Variants in NBEA observed in about 807,000 individuals in gnomAD.
The protein encoded by NBEA is neurobeachin.
Under a neutral mutation model 343.4 loss-of-function variants are expected in NBEA, and 44 were observed. The observed-to-expected ratio is 0.13, with a 90% CI of 0.10 to 0.16. The LOEUF is 0.16. Ranked by LOEUF, NBEA falls within the 10% of genes least tolerant of loss-of-function variation. NBEA has a pLI of 1.00. For synonymous variants in NBEA, 1,175 were observed against 1,238.7 expected, an observed-to-expected ratio of 0.95 and a Z score of 1.08; for missense variants, 2,555 against 3,631.3, an observed-to-expected ratio of 0.70 and a Z score of 7.62.
intron 34 of NBEA, among the ~76,000 whole-genome samples, chr13:35,275,090 T>C (rs2034479182): frequency 6.6e-6 from 1 of 152,200 alleles, no homozygotes; most frequent in Non-Finnish European, 1.5e-5. Context: ...GGCATCATGC[T>C]ACCTGACTTC....
chr13:35,393,743 G>A lies in NBEA; in HGVS notation c.6180-38526G>A, dbSNP rs182285453. Among the ~76,000 whole-genome samples, 394 of 152,166 alleles carry A rather than the reference G, an allele frequency of 2.6e-3. 3 individuals are homozygous for A. The highest frequency in any genetic ancestry group is 9.1e-3 in the African/African-American group (380 of 41,548). ...ATTAGAAATACAATTTTAGTGTATGGTTTTCCAAGTTAAAGGAAAGAAGTA... is the reference window on the plus strand; with the variant it reads ...ATTAGAAATACAATTTTAGTGTATGATTTTCCAAGTTAAAGGAAAGAAGTA... On this transcript the variant is annotated intron_variant, in intron 38 of 58. Coordinates refer to ENST00000379939, the MANE Select transcript of NBEA (RefSeq NM_001385012.1).
intron 36 of NBEA, among the ~76,000 whole-genome samples, chr13:35,320,875 A>T (rs1293607935): frequency 6.6e-6 from 1 of 151,406 alleles, no homozygotes; most frequent in East Asian, 2.0e-4. Flanking sequence ...CTTCTGCTTG[A>T]TGTATTCGGC....
intron 10 of NBEA, among the ~76,000 whole-genome samples, chr13:35,073,940 T>A (rs1777914236): frequency 6.6e-6 from 1 of 152,136 alleles, no homozygotes; most frequent in Non-Finnish European, 1.5e-5. Context: ...AGACTCTGTA[T>A]CAAAAAACCA....
At chr13:35,545,033 A>G (rs2079003400) in intron 41 of NBEA, among the ~76,000 whole-genome samples, 2 of 152,238 alleles carry the variant, frequency 1.3e-5, no homozygotes. Flanking sequence ...CTTAAATGAC[A>G]GAAAAATATC....
intron 39 of NBEA, among the ~76,000 whole-genome samples, chr13:35,439,081 A>G (rs116948954): frequency 0.03 from 4,545 of 152,298 alleles, 106 homozygotes; most frequent in Non-Finnish European, 0.045. Flanking sequence ...CTAACAGCAC[A>G]TAGTTTACTG....
intron 48 of NBEA, among the ~76,000 whole-genome samples, chr13:35,624,443 T>C (rs559944545): frequency 1.1e-3 from 169 of 152,236 alleles, no homozygotes; most frequent in African/African-American, 3.8e-3. Context: ...TCTGTATAAA[T>C]CAAGATATTT....
intron 31 of NBEA, among the ~76,000 whole-genome samples, chr13:35,203,840 G>A (rs2073189502): frequency 6.6e-6 from 1 of 152,154 alleles, no homozygotes; most frequent in Non-Finnish European, 1.5e-5. Flanking sequence ...ACCTTGGAGT[G>A]TGTATAGATT....
At chr13:35,019,741 T>C (rs912927732) in intron 1 of NBEA, among the ~76,000 whole-genome samples, 2 of 152,214 alleles carry the variant, frequency 1.3e-5, no homozygotes, top group Non-Finnish European at 2.9e-5. Context: ...TGGTAGTTTA[T>C]GTCACTCAAT....
intron 45 of NBEA, 71 bp downstream of exon 45, chr13:35,567,088 T>G (rs2080171229): frequency 2.7e-6 from 2 of 747,272 alleles, no homozygotes; most frequent in Non-Finnish European, 4.5e-6. Context: ...TGTCAGAGTA[T>G]ATATAGCCAG....
chr13:35,318,121 G>A (rs1049054746), intron 36 of NBEA, among the ~76,000 whole-genome samples: 3 of 152,178 alleles, frequency 2.0e-5, no homozygotes, highest in South Asian at 4.1e-4. Flanking sequence ...GCCCTGGCCA[G>A]AACTTCTGAT....
At chr13:35,273,267 G>A (rs1030786651) in intron 34 of NBEA, among the ~76,000 whole-genome samples, 3 of 152,132 alleles carry the variant, frequency 2.0e-5, no homozygotes, top group African/African-American at 4.8e-5. Flanking sequence ...GGTAAATAAC[G>A]AAATGAAGGC....
At chr13:35,177,790 A>G (rs1049320003) in intron 28 of NBEA, among the ~76,000 whole-genome samples, 1 of 151,724 alleles carries the variant, frequency 6.6e-6, no homozygotes, top group Non-Finnish European at 1.5e-5. Context: ...TTCTTGTTTT[A>G]GTTGATGATT....
At chr13:35,419,418 A>T (rs2044140707) in intron 38 of NBEA, among the ~76,000 whole-genome samples, 1 of 151,996 alleles carries the variant, frequency 6.6e-6, no homozygotes, top group Non-Finnish European at 1.5e-5. Context: ...TTCATGACCT[A>T]ATTACTTTCC....
At chr13:35,015,608 T>G (rs1325597874) in intron 1 of NBEA, among the ~76,000 whole-genome samples, 1 of 152,120 alleles carries the variant, frequency 6.6e-6, no homozygotes, top group Non-Finnish European at 1.5e-5. Flanking sequence ...GAAATATTAT[T>G]TAATTCAAGT....
intron 8 of NBEA, among the ~76,000 whole-genome samples, chr13:35,068,466 T>G (rs2063738330): frequency 6.6e-6 from 1 of 152,200 alleles, no homozygotes; most frequent in African/African-American, 2.4e-5. Context: ...CTGATTTCAG[T>G]GTTTAACAAC....
Position 34,956,487 on chromosome 13 carries a change from A to G in NBEA, c.294+13373A>G, listed in dbSNP as rs1203208624. On this transcript the variant is annotated intron_variant, in intron 1 of 58. Coordinates refer to ENST00000379939, the MANE Select transcript of NBEA (RefSeq NM_001385012.1). Reference sequence around the variant, plus strand: ...ATCTTTTTATAGAGGTAAAATATACATAACATATAATTTATTTCAACCCTT... The same window carrying G: ...ATCTTTTTATAGAGGTAAAATATACGTAACATATAATTTATTTCAACCCTT... Among the ~76,000 whole-genome samples the G allele has an allele frequency of 2.0e-5, 3 of 151,812 alleles. No individual in the cohort carries two copies. In the East Asian group the frequency reaches 5.8e-4, roughly 29 times the overall value.
chr13:35,534,368 T>C (rs915632196), intron 41 of NBEA, among the ~76,000 whole-genome samples: 2 of 152,208 alleles, frequency 1.3e-5, no homozygotes, highest in Non-Finnish European at 2.9e-5. Flanking sequence ...TACTTCCTAC[T>C]GGCTTCATTC....
At chr13:35,349,491 T>C (rs1005834029) in intron 37 of NBEA, among the ~76,000 whole-genome samples, 2 of 152,074 alleles carry the variant, frequency 1.3e-5, no homozygotes, top group African/African-American at 2.4e-5. Flanking sequence ...CAAAAAATAA[T>C]TTATAATGCA....
chr13:35,153,732 A>G (rs183237011), intron 18 of NBEA, among the ~76,000 whole-genome samples: 1 of 152,158 alleles, frequency 6.6e-6, no homozygotes, highest in Non-Finnish European at 1.5e-5. Context: ...TTCCTGTGCA[A>G]TGTGATTTCT....
Sources: allele counts gnomAD v4.1 joint callset (sites outside exome capture counted in the v4.1 genomes callset), GRCh38; gene constraint gnomAD v4.1.1; transcripts MANE v1.5; gene names NCBI Gene and HGNC (gene_info 2026-07-23, HGNC 2026-07-21).